Variants in TRIM14 observed in about 807,000 individuals in gnomAD.
TRIM14 encodes the protein tripartite motif containing 14.
TRIM14 carries 28 observed loss-of-function variants against 44.5 expected under a neutral mutation model. The observed-to-expected ratio is 0.63, with a 90% CI of 0.47 to 0.86. The LOEUF is 0.86. TRIM14 is among the 40% of genes least tolerant of loss of function. The pLI is 0.00. For synonymous variants in TRIM14, 299 were observed against 269.2 expected (o/e 1.11, Z -1.08); for missense variants, 607 against 611.1 (o/e 0.99, Z 0.07).
intron 6 of TRIM14, among the ~76,000 whole-genome samples, chr9:98,072,095 C>T (rs554284607): frequency 1.1e-4 from 16 of 152,322 alleles, no homozygotes; most frequent in Non-Finnish European, 1.9e-4. Flanking sequence ...GCTCTCTGAG[C>T]TCAGCTCCTG....
the TRIM14 span, among the ~76,000 whole-genome samples, chr9:98,037,254 T>C: frequency 6.6e-6 from 1 of 152,158 alleles, no homozygotes; most frequent in Non-Finnish European, 1.5e-5. Context: ...GGCAGGCACC[T>C]GTAATCCCAG....
chr9:98,043,809 A>C, the TRIM14 span, among the ~76,000 whole-genome samples: 3 of 151,910 alleles, frequency 2.0e-5, no homozygotes, highest in Non-Finnish European at 4.4e-5. Flanking sequence ...CAGAAAAGAA[A>C]ATAGAGAGAA....
the TRIM14 span, among the ~76,000 whole-genome samples, chr9:98,036,226 GA>G: frequency 2.6e-5 from 4 of 150,986 alleles, no homozygotes; most frequent in Non-Finnish European, 5.9e-5. Context: ...AAAAGAAAAA[GA>G]AAAAAAGAAG....
At chr9:98,059,573 CCTGG>C in the TRIM14 span, among the ~76,000 whole-genome samples, 219 of 152,160 alleles carry the variant, frequency 1.4e-3, 1 homozygote, top group Non-Finnish European at 8.4e-4. Context: ...TGCCACCATG[CCTGG>C]CTAATTTTTA....
At chr9:98,092,579 A>T (rs992286378) in intron 4 of TRIM14, 21 of 263,026 alleles carry the variant, frequency 8.0e-5, no homozygotes, top group Non-Finnish European at 1.7e-4. Context: ...GCCCACCTGC[A>T]GGCTGTTTAA....
intron 6 of TRIM14, chr9:98,075,517 TGGTCCGTCGGTCCGTC>T (rs200058044): frequency 6.6e-6 from 1 of 151,852 alleles, no homozygotes; most frequent in African/African-American, 2.4e-5. Context: ...GTAGGTTGGT[TGGTCCGTCGGTCCGTC>T]GGTCCTAGAC....
chr9:98,108,418 T>C (rs1378773966), intron 2 of TRIM14, among the ~76,000 whole-genome samples: 1 of 152,096 alleles, frequency 6.6e-6, no homozygotes, highest in East Asian at 1.9e-4. Context: ...CTTTAGCTCA[T>C]CAGCTATTGT....
chr9:98,101,542 C>T (rs10985049), intron 2 of TRIM14, among the ~76,000 whole-genome samples: 8,520 of 151,910 alleles, frequency 0.056, 374 homozygotes, highest in Admixed American at 0.12. Context: ...TCTCCTGCCT[C>T]AGCCGTGTAG....
chr9:98,058,809 T>C, the TRIM14 span, among the ~76,000 whole-genome samples: 1 of 152,140 alleles, frequency 6.6e-6, no homozygotes, highest in African/African-American at 2.4e-5. Context: ...AGGAAAGGGA[T>C]CTGGCCAGCT....
At chr9:98,070,507 G>C (rs1289006233) in intron 6 of TRIM14, among the ~76,000 whole-genome samples, 3 of 152,036 alleles carry the variant, frequency 2.0e-5, no homozygotes, top group Admixed American at 2.0e-4. Context: ...TGCAACTTCT[G>C]CCTCCTGGGT....
intron 2 of TRIM14, among the ~76,000 whole-genome samples, chr9:98,101,190 G>A (rs1377291548): frequency 6.6e-6 from 1 of 151,756 alleles, no homozygotes; most frequent in Non-Finnish European, 1.5e-5. Context: ...GGTCAGGCTG[G>A]TCTTGAACTT....
At chr9:98,083,440 T>G (rs1339175620), downstream of TRIM14, among the ~76,000 whole-genome samples, 1 of 152,260 alleles carries the variant, frequency 6.6e-6, no homozygotes, top group Non-Finnish European at 1.5e-5. Context: ...AGCCCTTTAC[T>G]TCTCCATTGT....
At chr9:98,056,744 A>AGAGGCG in the TRIM14 span, 1 of 1,568,198 alleles carries the variant, frequency 6.4e-7, no homozygotes, top group African/African-American at 1.4e-5. Context: ...AGAACAGAGT[A>AGAGGCG]GAGGCGGCGG....
At chr9:98,058,759 C>CT in the TRIM14 span, among the ~76,000 whole-genome samples, 1 of 152,176 alleles carries the variant, frequency 6.6e-6, no homozygotes, top group African/African-American at 2.4e-5. Context: ...GACCCTGTCT[C>CT]TAATTCCATT....
intron 1 of TRIM14, 53 bp downstream of exon 1, chr9:98,118,928 CT>C: frequency 2.1e-6 from 3 of 1,442,466 alleles, no homozygotes; most frequent in Non-Finnish European, 2.7e-6. Flanking sequence ...GCCGTTATGC[CT>C]GGGCTGGCTC....
At chr9:98,099,771 T>G (rs1180533910) in intron 3 of TRIM14, among the ~76,000 whole-genome samples, 160 bp downstream of exon 3, 2 of 152,354 alleles carry the variant, frequency 1.3e-5, no homozygotes, top group East Asian at 3.9e-4. Flanking sequence ...ACAATGTATA[T>G]TCTCTTGACC....
chr9:98,065,282 T>C (rs1219820288), downstream of TRIM14, among the ~76,000 whole-genome samples: 1 of 151,286 alleles, frequency 6.6e-6, no homozygotes, highest in Non-Finnish European at 1.5e-5. Flanking sequence ...AATATTATTC[T>C]TTTAAAGTGT....
chr9:98,038,232 A>C, the TRIM14 span, among the ~76,000 whole-genome samples: 4 of 152,096 alleles, frequency 2.6e-5, no homozygotes, highest in East Asian at 7.7e-4. Context: ...TTGTATTTTT[A>C]GTAGAGATGG....
intron 6 of TRIM14, chr9:98,078,365 G>T: frequency 6.2e-7 from 1 of 1,609,216 alleles, no homozygotes; most frequent in Non-Finnish European, 8.5e-7. Context: ...GGAGGGAGGG[G>T]GTTCCCTTCT....
Sources: allele counts gnomAD v4.1 joint callset (sites outside exome capture counted in the v4.1 genomes callset), GRCh38; gene constraint gnomAD v4.1.1; transcripts MANE v1.5; gene names NCBI Gene and HGNC (gene_info 2026-07-23, HGNC 2026-07-21).